Variants in ABTB3 observed in about 807,000 individuals in gnomAD.
The protein encoded by ABTB3 is ankyrin repeat and BTB domain containing 3.
the ABTB3 span, among the ~76,000 whole-genome samples, chr12:107,418,197 G>C: frequency 6.6e-6 from 1 of 152,184 alleles, no homozygotes; most frequent in Non-Finnish European, 1.5e-5. Flanking sequence ...ATATAAAGCA[G>C]GCAGAAAAAC....
chr12:107,416,654 A>ATGTTT, the ABTB3 span, among the ~76,000 whole-genome samples: 30 of 151,808 alleles, frequency 2.0e-4, no homozygotes, highest in Admixed American at 1.2e-3. Flanking sequence ...CATGTCCTCT[A>ATGTTT]TGTTTTGTTT....
At chr12:107,464,973 CA>C in the ABTB3 span, among the ~76,000 whole-genome samples, 54 of 152,098 alleles carry the variant, frequency 3.6e-4, no homozygotes, top group African/African-American at 9.4e-4. Flanking sequence ...CACACACACA[CA>C]CACCCCAGAG....
chr12:107,517,594 A>T, the ABTB3 span, among the ~76,000 whole-genome samples: 3 of 152,240 alleles, frequency 2.0e-5, no homozygotes, highest in Admixed American at 2.0e-4. Flanking sequence ...ATTCCTTGTA[A>T]GTTGGATTCC....
At chr12:107,647,558 ATAACT>A in the ABTB3 span, among the ~76,000 whole-genome samples, 1 of 152,238 alleles carries the variant, frequency 6.6e-6, no homozygotes, top group African/African-American at 2.4e-5. Context: ...TATTTTTAAA[ATAACT>A]TAAACACACA....
At chr12:107,389,854 GTGTGTGT>G in the ABTB3 span, among the ~76,000 whole-genome samples, 1 of 73,242 alleles carries the variant, frequency 1.4e-5, no homozygotes, top group Non-Finnish European at 3.3e-5. Flanking sequence ...GTTTGTGTGT[GTGTGTGT>G]GTGTGTGTGT....
the ABTB3 span, among the ~76,000 whole-genome samples, chr12:107,411,626 G>A: frequency 6.6e-6 from 1 of 152,296 alleles, no homozygotes; most frequent in Non-Finnish European, 1.5e-5. Flanking sequence ...AGAGCAGGAG[G>A]ACTATGAGCC....
the ABTB3 span, chr12:107,657,646 G>A: frequency 1.9e-6 from 3 of 1,614,194 alleles, no homozygotes; most frequent in Non-Finnish European, 1.7e-6. Context: ...ATGTGCTCCA[G>A]GACTTACAGA....
the ABTB3 span, chr12:107,618,383 G>A: frequency 6.2e-7 from 1 of 1,607,708 alleles, no homozygotes; most frequent in Admixed American, 1.7e-5. Flanking sequence ...GCATAGGTCA[G>A]TCTGGGCACC....
the ABTB3 span, among the ~76,000 whole-genome samples, chr12:107,336,651 A>T: frequency 6.6e-6 from 1 of 152,220 alleles, no homozygotes; most frequent in Admixed American, 6.5e-5. Flanking sequence ...ATCAGATTAT[A>T]CTGAATGACC....
At chr12:107,409,666 C>T in the ABTB3 span, among the ~76,000 whole-genome samples, 1 of 152,136 alleles carries the variant, frequency 6.6e-6, no homozygotes, top group Admixed American at 6.5e-5. Context: ...AACACATGGA[C>T]ACAGGGAGAG....
the ABTB3 span, among the ~76,000 whole-genome samples, chr12:107,324,582 A>T: frequency 6.6e-6 from 1 of 152,188 alleles, no homozygotes; most frequent in Non-Finnish European, 1.5e-5. Flanking sequence ...AACTTTCTGG[A>T]TGTAGTCCCT....
At chr12:107,371,583 C>G in the ABTB3 span, among the ~76,000 whole-genome samples, 1 of 152,136 alleles carries the variant, frequency 6.6e-6, no homozygotes, top group African/African-American at 2.4e-5. Flanking sequence ...CCTCTCATTT[C>G]TTAAATACTC....
At chr12:107,319,808 G>A in the ABTB3 span, 123 of 1,351,534 alleles carry the variant, frequency 9.1e-5, 1 homozygote, top group Middle Eastern at 1.8e-3. Flanking sequence ...AGAGCGGGAG[G>A]CGCCCGGGGG....
the ABTB3 span, among the ~76,000 whole-genome samples, chr12:107,356,426 G>A: frequency 6.6e-5 from 10 of 152,186 alleles, no homozygotes; most frequent in Admixed American, 3.3e-4. Flanking sequence ...GGGAGCTGGG[G>A]CCCAGCACCG....
the ABTB3 span, among the ~76,000 whole-genome samples, chr12:107,393,349 G>A: frequency 7.2e-6 from 1 of 138,802 alleles, no homozygotes; most frequent in East Asian, 2.8e-4. Context: ...GGGGGTGGGG[G>A]TGTGCTAGGG....
At chr12:107,336,903 AC>A in the ABTB3 span, among the ~76,000 whole-genome samples, 1 of 152,234 alleles carries the variant, frequency 6.6e-6, no homozygotes, top group Non-Finnish European at 1.5e-5. Context: ...ATGGAGCTTC[AC>A]TAACAGGCAA....
chr12:107,607,406 C>G, the ABTB3 span, among the ~76,000 whole-genome samples: 2 of 152,300 alleles, frequency 1.3e-5, no homozygotes, highest in South Asian at 2.1e-4. Flanking sequence ...AGCTCTCCCC[C>G]ACTGCCGGGG....
At chr12:107,350,610 C>T in the ABTB3 span, among the ~76,000 whole-genome samples, 1 of 151,940 alleles carries the variant, frequency 6.6e-6, no homozygotes, top group African/African-American at 2.4e-5. Flanking sequence ...CCATGTGCCA[C>T]CCAGGGATCT....
chr12:107,406,130 C>T, the ABTB3 span, among the ~76,000 whole-genome samples: 1 of 152,318 alleles, frequency 6.6e-6, no homozygotes, highest in South Asian at 2.1e-4. Context: ...GTAAAACAGG[C>T]TGGGCACACG....
Sources: gnomAD v4.1 joint callset for allele counts (sites outside exome capture counted in the v4.1 genomes callset) on GRCh38, gnomAD v4.1.1 for gene constraint, MANE v1.5 for transcripts, NCBI Gene and HGNC (gene_info 2026-07-23, HGNC 2026-07-21) for gene names.